The following SLC39A11 variants were observed in gnomAD, a reference collection of about 807,000 sequenced individuals.
SLC39A11 encodes solute carrier family 39 member 11.
Under a neutral mutation model 36.1 loss-of-function variants are expected in SLC39A11, and 33 were observed. The observed-to-expected ratio is 0.91, with a 90% CI of 0.69 to 1.22. The LOEUF is 1.22. Among genes scored for constraint, SLC39A11 ranks in the 50% most tolerant of loss-of-function variants. The pLI, the probability that SLC39A11 is intolerant of heterozygous loss-of-function variation, is 0.00. For missense variants in SLC39A11, 432 were observed against 430.3 expected, an observed-to-expected ratio of 1.00 and a Z score of -0.03; for synonymous variants, 166 against 170.3, an observed-to-expected ratio of 0.97 and a Z score of 0.20.
intron 3 of SLC39A11, chr17:73,068,115 G>A: frequency 7.2e-7 from 1 of 1,386,222 alleles, no homozygotes; most frequent in Non-Finnish European, 1.0e-6. Context: ...ACAGCCTTTA[G>A]CAAAATGTCA....
At chr17:72,852,544 T>C (rs2079411861) in intron 5 of SLC39A11, among the ~76,000 whole-genome samples, 1 of 152,142 alleles carries the variant, frequency 6.6e-6, no homozygotes, top group South Asian at 2.1e-4. Context: ...ACTCATTGTG[T>C]GGTATCCACA....
chr17:72,733,232 T>G (rs969734249), intron 7 of SLC39A11, among the ~76,000 whole-genome samples: 2 of 152,234 alleles, frequency 1.3e-5, no homozygotes, highest in African/African-American at 4.8e-5. Flanking sequence ...CATTTCTTTC[T>G]CCTTAGTCCT....
At chr17:72,927,616 A>G (rs1033523515) in intron 5 of SLC39A11, among the ~76,000 whole-genome samples, 8 of 152,148 alleles carry the variant, frequency 5.3e-5, no homozygotes, top group Non-Finnish European at 1.2e-4. Flanking sequence ...AGGAATGCCA[A>G]TTCCATGTTG....
chr17:72,717,089 T>C (rs982295203), intron 7 of SLC39A11, among the ~76,000 whole-genome samples: 1 of 145,480 alleles, frequency 6.9e-6, no homozygotes, highest in African/African-American at 2.6e-5. Flanking sequence ...TATGTATATA[T>C]GTATATACTT....
chr17:72,999,586 G>A (rs963257840), intron 4 of SLC39A11, among the ~76,000 whole-genome samples: 7 of 152,196 alleles, frequency 4.6e-5, no homozygotes, highest in African/African-American at 1.7e-4. Context: ...TGCTCTCCAA[G>A]GAGTAATCCC....
At chr17:72,813,233 C>G (rs1212873416) in intron 6 of SLC39A11, among the ~76,000 whole-genome samples, 1 of 152,222 alleles carries the variant, frequency 6.6e-6, no homozygotes, top group Non-Finnish European at 1.5e-5. Flanking sequence ...GAGATGACAT[C>G]TGTTGCTCAC....
chr17:72,829,678 C>G (rs1178286939), intron 6 of SLC39A11, among the ~76,000 whole-genome samples: 1 of 152,212 alleles, frequency 6.6e-6, no homozygotes, highest in Non-Finnish European at 1.5e-5. Flanking sequence ...TCTCTTCCCC[C>G]TTTCCATCTG....
At chr17:73,049,181 G>A (rs140926289) in intron 3 of SLC39A11, among the ~76,000 whole-genome samples, 2 of 152,340 alleles carry the variant, frequency 1.3e-5, no homozygotes, top group Non-Finnish European at 2.9e-5. Flanking sequence ...TTCAAGCAGG[G>A]CAGGATCTGG....
intron 7 of SLC39A11, among the ~76,000 whole-genome samples, chr17:72,723,734 T>C (rs2073805539): frequency 6.6e-6 from 1 of 152,194 alleles, no homozygotes; most frequent in African/African-American, 2.4e-5. Flanking sequence ...CAGACCAAGA[T>C]GGAACCTTGT....
At chr17:73,020,393 A>G in intron 4 of SLC39A11, among the ~76,000 whole-genome samples, 1 of 152,210 alleles carries the variant, frequency 6.6e-6, no homozygotes, top group East Asian at 1.9e-4. Context: ...TCTGCAAGAC[A>G]GAAAGAGAGC....
chr17:72,796,074 G>A (rs2076885998), intron 6 of SLC39A11, among the ~76,000 whole-genome samples: 2 of 152,148 alleles, frequency 1.3e-5, no homozygotes, highest in Admixed American at 1.3e-4. Context: ...ATTCAGAGCA[G>A]CAGGCCAACC....
chr17:72,860,390 TG>T lies in SLC39A11; in HGVS notation c.431-10587del, dbSNP rs896033602. ...CTCTTCTGAATGTTCATTCTGTGTGTGTATGTGTGCGAGACAGAATATACAC... is the reference window on the plus strand; with the variant it reads ...CTCTTCTGAATGTTCATTCTGTGTGTTATGTGTGCGAGACAGAATATACAC... On this transcript the variant is annotated intron_variant, in intron 5 of 9. Coordinates refer to ENST00000255559, the MANE Select transcript of SLC39A11 (RefSeq NM_139177.4). Among the ~76,000 whole-genome samples, 191 of 152,330 alleles carry T rather than the reference TG, an allele frequency of 1.3e-3. 1 individual carries two copies. The highest frequency in any genetic ancestry group is 4.3e-3 in the African/African-American group (177 of 41,582).
intron 7 of SLC39A11, among the ~76,000 whole-genome samples, chr17:72,678,738 A>G (rs4793304): frequency 0.48 from 72,725 of 151,392 alleles, 17,655 homozygotes; most frequent in Admixed American, 0.53. Context: ...TTGGGGTAGC[A>G]ATCATGAAGC....
intron 3 of SLC39A11, chr17:73,067,929 C>A: frequency 6.2e-7 from 1 of 1,605,098 alleles, no homozygotes; most frequent in Admixed American, 1.7e-5. Context: ...CCAAAACACT[C>A]AGAGAGAGTT....
At chr17:72,875,509 G>A (rs2080856073) in intron 5 of SLC39A11, among the ~76,000 whole-genome samples, 1 of 152,096 alleles carries the variant, frequency 6.6e-6, no homozygotes, top group Non-Finnish European at 1.5e-5. Flanking sequence ...TTATGGAAAA[G>A]CTATTCAAAC....
intron 7 of SLC39A11, among the ~76,000 whole-genome samples, chr17:72,717,112 ATATATG>A (rs59086900): frequency 0.088 from 12,948 of 146,836 alleles, 764 homozygotes; most frequent in African/African-American, 0.16. Flanking sequence ...ATGTGTATGT[ATATATG>A]TATATATGTA....
intron 7 of SLC39A11, among the ~76,000 whole-genome samples, chr17:72,684,333 T>G (rs888396422): frequency 1.3e-5 from 2 of 152,132 alleles, no homozygotes; most frequent in African/African-American, 4.8e-5. Context: ...CCCAGGCTCG[T>G]GGGACAGGCA....
At chr17:72,811,978 C>A (rs570482018) in intron 6 of SLC39A11, among the ~76,000 whole-genome samples, 2 of 152,208 alleles carry the variant, frequency 1.3e-5, no homozygotes, top group East Asian at 3.9e-4. Context: ...GAAATTGCAT[C>A]CACAATAAAA....
chr17:72,875,949 T>C (rs935777931), intron 5 of SLC39A11, among the ~76,000 whole-genome samples: 3 of 152,172 alleles, frequency 2.0e-5, no homozygotes, highest in Admixed American at 2.0e-4. Flanking sequence ...TCCATGGCAA[T>C]GACCCAATGA....
Sources: allele counts gnomAD v4.1 joint callset (sites outside exome capture counted in the v4.1 genomes callset), GRCh38; gene constraint gnomAD v4.1.1; transcripts MANE v1.5; gene names NCBI Gene and HGNC (gene_info 2026-07-23, HGNC 2026-07-21).